The following BRWD3 variants were observed in gnomAD, a reference collection of about 807,000 sequenced individuals.
BRWD3 encodes the protein bromodomain and WD repeat domain containing 3, also known as bromodomain and WD repeat-containing protein 3.
In BRWD3, 10 loss-of-function variants were observed where a neutral mutation model predicts 149.7. That is an observed-to-expected ratio of 0.07 (90% CI 0.04 to 0.11). The LOEUF is 0.11. BRWD3 is among the 10% of genes least tolerant of loss of function. The probability of loss-of-function intolerance (pLI) is 1.00; values close to 1 mark genes in which losing one functional copy is unlikely to be tolerated. For synonymous variants in BRWD3, 504 were observed against 456.7 expected, an observed-to-expected ratio of 1.10 and a Z score of -1.32; for missense variants, 940 against 1,373.2, an observed-to-expected ratio of 0.68 and a Z score of 4.99.
rs1309318052 is a variant in BRWD3, at chrX:80,809,757, AAAAGAG to A, written c.-292_-287del. On this transcript the variant is annotated 5_prime_UTR_variant, in exon 1 of 41. Transcript: ENST00000373275. ...AGAGAAGAGAGAGAGAGAGAGAGGA[AAAAGAG>A]AGAGAGAGAGAGAGAGAGAGAGAGA... 1.6e-3 allele frequency: 133 copies of A among 81,387 alleles called. 8 individuals carry two copies. The African/African-American group carries it at 0.017, about 11-fold the overall frequency. The allele number at this position is 81,387 out of a possible 1,213,427, so 6.7% of individuals were successfully genotyped here.
intron 21 of BRWD3, 60 bp from the exon 22 acceptor site, chrX:80,707,563 TA>T: frequency 2.8e-6 from 3 of 1,069,809 alleles, no homozygotes; most frequent in Non-Finnish European, 3.9e-6. Flanking sequence ...TATTTCTAAT[TA>T]AAAAACCACT....
At chrX:80,742,311 T>C (rs1211097534) in intron 8 of BRWD3, among the ~76,000 whole-genome samples, 1 of 109,732 alleles carries the variant, frequency 9.1e-6, no homozygotes, top group Non-Finnish European at 1.9e-5. Context: ...TTGGTTACTG[T>C]AGCCTTGTAG....
intron 4 of BRWD3, among the ~76,000 whole-genome samples, chrX:80,799,935 G>A (rs1168385527): frequency 5.4e-5 from 6 of 111,513 alleles, no homozygotes; most frequent in Admixed American, 3.8e-4. Flanking sequence ...GTATAGGAAA[G>A]CAATGGAAAG....
chrX:80,684,669 T>C (rs142937774), intron 36 of BRWD3, among the ~76,000 whole-genome samples: 2 of 111,664 alleles, frequency 1.8e-5, no homozygotes, highest in African/African-American at 6.5e-5. Flanking sequence ...ATCAATGTGA[T>C]ACCTTTGCTT....
chrX:80,717,456 G>C, intron 19 of BRWD3, 117 bp downstream of exon 19: 1 of 701,483 alleles, frequency 1.4e-6, no homozygotes, highest in Admixed American at 2.6e-5. Flanking sequence ...AAAAACTAAT[G>C]CATGACTAAA....
Position 80,808,607 on chromosome X carries a change from C to G in BRWD3, c.121-9G>C. 1 of 1,205,210 alleles carries G rather than the reference C, an allele frequency of 8.3e-7. No homozygotes were observed. The highest frequency in any genetic ancestry group is 3.0e-5 in the East Asian group (1 of 33,680). ...AAGCGGCGCGGAATCAGCTGGGGGC[C>G]GGACGAAAAGAAAGGGGGAAGCGGA... On this transcript the variant is annotated splice_polypyrimidine_tract_variant and intron_variant, in intron 3 of 40. Coordinates refer to ENST00000373275, the MANE Select transcript of BRWD3 (RefSeq NM_153252.5).
intron 6 of BRWD3, among the ~76,000 whole-genome samples, chrX:80,786,868 T>C (rs2074113722): frequency 9.0e-6 from 1 of 111,294 alleles, no homozygotes; most frequent in African/African-American, 3.3e-5. Flanking sequence ...AGCTCAATAA[T>C]TTAAGAAAAA....
intron 6 of BRWD3, among the ~76,000 whole-genome samples, chrX:80,758,950 C>G (rs778722699): frequency 2.7e-5 from 3 of 111,683 alleles, no homozygotes; most frequent in Non-Finnish European, 3.8e-5. Context: ...AATATCCCCT[C>G]AAGAAAAACA....
At chrX:80,735,264 A>C (rs1465023930) in intron 9 of BRWD3, 67 bp from the exon 10 acceptor site, 2 of 809,438 alleles carry the variant, frequency 2.5e-6, no homozygotes, top group Admixed American at 4.5e-5. Context: ...ATGTTAGCGC[A>C]CTACTGGATA....
At chrX:80,742,700 T>G (rs1274894687) in intron 8 of BRWD3, among the ~76,000 whole-genome samples, 2 of 111,035 alleles carry the variant, frequency 1.8e-5, no homozygotes, top group African/African-American at 6.6e-5. Flanking sequence ...TCTCTGTTTG[T>G]CTGTTATTGG....
chrX:80,765,897 ATTAT>A (rs2073853351), intron 6 of BRWD3, among the ~76,000 whole-genome samples: 2 of 111,389 alleles, frequency 1.8e-5, no homozygotes, highest in Admixed American at 9.6e-5. Flanking sequence ...TATTTGGAGG[ATTAT>A]TTATTTATTT....
At chrX:80,678,160 C>A (rs1488154541) in intron 40 of BRWD3, among the ~76,000 whole-genome samples, 1 of 112,036 alleles carries the variant, frequency 8.9e-6, no homozygotes, top group African/African-American at 3.2e-5. Flanking sequence ...GTTGGGCATC[C>A]ACTGCAGTAT....
chrX:80,680,453 T>C (rs2072428829), intron 40 of BRWD3, among the ~76,000 whole-genome samples: 1 of 112,182 alleles, frequency 8.9e-6, no homozygotes, highest in Admixed American at 9.5e-5. Flanking sequence ...ATGCAGAAGG[T>C]TCTTCTGAGA....
At chrX:80,800,832 T>C (rs1569292792) in intron 4 of BRWD3, among the ~76,000 whole-genome samples, 1 of 111,373 alleles carries the variant, frequency 9.0e-6, no homozygotes, top group Non-Finnish European at 1.9e-5. Flanking sequence ...TCACTCACCT[T>C]TGAAAATGCT....
chrX:80,704,607 T>C (rs2072835235), intron 23 of BRWD3, 71 bp downstream of exon 23: 2 of 961,982 alleles, frequency 2.1e-6, no homozygotes, highest in South Asian at 4.3e-5. Context: ...AATGTTACAA[T>C]TAAATATTTA....
rs751332926 is a variant in BRWD3, at chrX:80,793,906, C to T, written c.181-134G>A. On this transcript the variant is annotated intron_variant, in intron 4 of 40. Coordinates refer to ENST00000373275, the MANE Select transcript of BRWD3 (RefSeq NM_153252.5). ...TAAAATATGGAATCAGGCCTGGGCG[C>T]GATGGCTCACGCCTGTAATCCCAAA... 5.3e-5 allele frequency: 36 copies of T among 673,087 alleles called. 1 individual carries two copies. Among genetic ancestry groups the T allele is most frequent in the Middle Eastern group, 4.9e-4 (1 of 2,033 alleles). 55.5% of individuals were successfully genotyped at this position (673,087 alleles called of 1,213,427 possible).
chrX:80,709,599 A>C (rs2072927647), intron 20 of BRWD3, 22 bp from the exon 21 acceptor site: 1 of 1,193,871 alleles, frequency 8.4e-7, no homozygotes, highest in African/African-American at 1.8e-5. Flanking sequence ...AAGAATAATA[A>C]ATTTTAAAAA....
intron 20 of BRWD3, among the ~76,000 whole-genome samples, chrX:80,714,883 T>C (rs1173917651): frequency 2.7e-5 from 3 of 112,215 alleles, no homozygotes; most frequent in African/African-American, 6.5e-5. Flanking sequence ...GTAACAAGAA[T>C]TGGCAGTATG....
At chrX:80,770,493 A>G (rs2147826133) in intron 6 of BRWD3, among the ~76,000 whole-genome samples, 1 of 111,751 alleles carries the variant, frequency 8.9e-6, no homozygotes, top group South Asian at 3.7e-4. Context: ...AGAACCAAAG[A>G]CAAAAACCAC....
Sources: allele counts gnomAD v4.1 joint callset (sites outside exome capture counted in the v4.1 genomes callset), GRCh38; gene constraint gnomAD v4.1.1; transcripts MANE v1.5; gene names NCBI Gene and HGNC (gene_info 2026-07-23, HGNC 2026-07-21).